Variants in MRTFA observed in about 807,000 individuals in gnomAD.
MRTFA encodes myocardin related transcription factor A.
A neutral mutation model predicts 83.5 loss-of-function variants in MRTFA; 20 were observed. That is an observed-to-expected ratio of 0.24 (90% CI 0.17 to 0.35). The LOEUF (loss-of-function observed/expected upper bound fraction) is 0.35. Ranked by LOEUF, MRTFA falls within the 10% of genes least tolerant of loss-of-function variation. The pLI, the probability that MRTFA is intolerant of heterozygous loss-of-function variation, is 1.00. For missense variants in MRTFA, 1,200 were observed against 1,224.7 expected, an observed-to-expected ratio of 0.98 and a Z score of 0.30; for synonymous variants, 659 against 541.2, an observed-to-expected ratio of 1.22 and a Z score of -3.02.
chr22:40,543,725 A>G (rs1235130300), intron 3 of MRTFA, among the ~76,000 whole-genome samples: 1 of 152,256 alleles, frequency 6.6e-6, no homozygotes, highest in East Asian at 1.9e-4. Context: ...GAGGCCTTAC[A>G]AAAGATCTAA....
At chr22:40,489,596 G>A (rs113409089) in intron 3 of MRTFA, among the ~76,000 whole-genome samples, 12,426 of 152,002 alleles carry the variant, frequency 0.082, 786 homozygotes, top group East Asian at 0.24. Context: ...TTACAGGCAT[G>A]AGCCACTGCA....
At chr22:40,422,731 T>C (rs2052867677) in intron 9 of MRTFA, among the ~76,000 whole-genome samples, 1 of 152,124 alleles carries the variant, frequency 6.6e-6, no homozygotes, top group Admixed American at 6.5e-5. Flanking sequence ...GGCGGGCAGC[T>C]CCCAGAGCTA....
At chr22:40,542,232 C>A (rs1341359086) in intron 3 of MRTFA, among the ~76,000 whole-genome samples, 1 of 152,096 alleles carries the variant, frequency 6.6e-6, no homozygotes, top group Non-Finnish European at 1.5e-5. Flanking sequence ...TCTTCACACA[C>A]GCTATTACTT....
At chr22:40,475,298 G>A (rs1427742070) in intron 3 of MRTFA, among the ~76,000 whole-genome samples, 4 of 152,046 alleles carry the variant, frequency 2.6e-5, no homozygotes, top group African/African-American at 9.7e-5. Flanking sequence ...AGCATGCTGG[G>A]AGGCTGAGGT....
chr22:40,595,252 C>T (rs2056175017), intron 1 of MRTFA, among the ~76,000 whole-genome samples: 1 of 151,244 alleles, frequency 6.6e-6, no homozygotes, highest in East Asian at 1.9e-4. Context: ...CCCAAGTAGG[C>T]TGGGACTACA....
chr22:40,533,111 GTTA>G (rs1378839074), intron 3 of MRTFA, among the ~76,000 whole-genome samples: 1 of 152,086 alleles, frequency 6.6e-6, no homozygotes, highest in Non-Finnish European at 1.5e-5. Flanking sequence ...AATCCTATGT[GTTA>G]TTAAGGGCAT....
At chr22:40,489,348 ATTT>A (rs763038203) in intron 3 of MRTFA, among the ~76,000 whole-genome samples, 1 of 144,762 alleles carries the variant, frequency 6.9e-6, no homozygotes, top group Non-Finnish European at 1.5e-5. Context: ...ATAATTTCAA[ATTT>A]TTTTTTTTTT....
chr22:40,488,167 G>C (rs1360674184), intron 3 of MRTFA, among the ~76,000 whole-genome samples: 2 of 152,116 alleles, frequency 1.3e-5, no homozygotes, highest in African/African-American at 4.8e-5. Context: ...AGCTTCACAG[G>C]GCAACAGCAT....
At position 40,411,755 on chromosome 22, in the gene MRTFA, G is replaced by A; in HGVS notation, c.2731C>T (p.Pro911Ser). 6.5e-7 allele frequency: 1 copy of A among 1,544,000 alleles called. No homozygotes were observed. Among genetic ancestry groups the A allele is most frequent in the Non-Finnish European group, 8.8e-7 (1 of 1,139,188 alleles). The change falls in exon 15 of 15, where the codon CCT becomes TCT. Residue 911 changes from proline to serine, a missense_variant. Physicochemically the swap from Pro to Ser is moderately conservative, Grantham distance 74. Transcript: ENST00000355630. ...TCCAGGAAGTCCTCCAGGCGTCCAGGGAGGGAGGGTGAGCCTGGAGGAGGT... is the reference window on the plus strand; with the variant it reads ...TCCAGGAAGTCCTCCAGGCGTCCAGAGAGGGAGGGTGAGCCTGGAGGAGGT...
intron 7 of MRTFA, among the ~76,000 whole-genome samples, chr22:40,429,070 T>A (rs1024524914): frequency 2.0e-5 from 3 of 152,186 alleles, no homozygotes; most frequent in African/African-American, 7.2e-5. Flanking sequence ...ATCCTGCCTA[T>A]TCACCTGCCT....
chr22:40,519,716 C>A, intron 3 of MRTFA: 1 of 744,166 alleles, frequency 1.3e-6, no homozygotes, highest in South Asian at 1.8e-5. Flanking sequence ...CTGAAAAGCA[C>A]AATAATGGAG....
intron 1 of MRTFA, among the ~76,000 whole-genome samples, chr22:40,618,006 A>G (rs990609703): frequency 2.0e-5 from 3 of 152,050 alleles, no homozygotes; most frequent in Admixed American, 6.6e-5. Flanking sequence ...AGTGGTAATA[A>G]GTCTTCTGGA....
intron 3 of MRTFA, among the ~76,000 whole-genome samples, chr22:40,521,368 A>G (rs1345257388): frequency 1.3e-5 from 2 of 152,182 alleles, no homozygotes; most frequent in South Asian, 2.1e-4. Context: ...TACAATAGGT[A>G]ACATTTTAGG....
At chr22:40,581,730 A>G (rs2055950288) in intron 2 of MRTFA, among the ~76,000 whole-genome samples, 1 of 152,060 alleles carries the variant, frequency 6.6e-6, no homozygotes, top group Non-Finnish European at 1.5e-5. Flanking sequence ...CTACAATAGG[A>G]AAAAAAAGTT....
chr22:40,610,823 A>T (rs976312847), intron 1 of MRTFA, among the ~76,000 whole-genome samples: 10 of 126,926 alleles, frequency 7.9e-5, no homozygotes, highest in East Asian at 7.7e-4. Flanking sequence ...AAAAATAAGT[A>T]AAAAAAAAGA....
At chr22:40,419,779 G>A (rs2052787046) in intron 11 of MRTFA, among the ~76,000 whole-genome samples, 1 of 152,190 alleles carries the variant, frequency 6.6e-6, no homozygotes, top group Non-Finnish European at 1.5e-5. Flanking sequence ...GTTCTCAAGG[G>A]AGAGCTTGGT....
intron 2 of MRTFA, among the ~76,000 whole-genome samples, chr22:40,577,789 A>G (rs189020918): frequency 1.3e-5 from 2 of 150,984 alleles, no homozygotes; most frequent in African/African-American, 4.9e-5. Flanking sequence ...TATTTTTAGT[A>G]GAGATGGGGT....
chr22:40,568,746 C>G (rs1247521681), intron 2 of MRTFA, among the ~76,000 whole-genome samples: 1 of 152,186 alleles, frequency 6.6e-6, no homozygotes, highest in Non-Finnish European at 1.5e-5. Context: ...ACAACTACAT[C>G]TAAGTGCAAT....
chr22:40,470,276 T>TATATATATATAA (rs1164339704), intron 3 of MRTFA, among the ~76,000 whole-genome samples: 1 of 99,290 alleles, frequency 1.0e-5, no homozygotes, highest in Non-Finnish European at 2.1e-5. Flanking sequence ...TATATATATA[T>TATATATATATAA]ATATAAAGAA....
Sources: allele counts gnomAD v4.1 joint callset (sites outside exome capture counted in the v4.1 genomes callset), GRCh38; gene constraint gnomAD v4.1.1; transcripts MANE v1.5; gene names NCBI Gene and HGNC (gene_info 2026-07-23, HGNC 2026-07-21).